The following PSD3 variants were observed in gnomAD, a reference collection of about 807,000 sequenced individuals.
PSD3 encodes the protein PH and SEC7 domain-containing protein 3.
In PSD3, 49 loss-of-function variants were observed where a neutral mutation model predicts 105.5. The observed-to-expected ratio is 0.46, with a 90% CI of 0.37 to 0.59. The LOEUF (loss-of-function observed/expected upper bound fraction) is 0.59, where lower values mean the gene tolerates loss of function less well. Ranked by LOEUF, PSD3 falls within the 20% of genes least tolerant of loss-of-function variation. The probability of loss-of-function intolerance (pLI) is 0.00; values close to 1 mark genes in which losing one functional copy is unlikely to be tolerated. For missense variants in PSD3, 1,561 were observed against 1,263.8 expected (o/e 1.24, Z -3.57); for synonymous variants, 557 against 457.8 (o/e 1.22, Z -2.77).
chr8:18,785,467 G>A (rs544406940), intron 8 of PSD3, among the ~76,000 whole-genome samples: 49 of 152,196 alleles, frequency 3.2e-4, no homozygotes, highest in African/African-American at 1.1e-3. Context: ...GAGACTCAGG[G>A]CCTTGCTCTG....
Position 18,867,824 on chromosome 8 carries a change from C to G in PSD3, c.1484G>C (p.Arg495Thr), listed in dbSNP as rs751352183. Reference protein sequence around the residue: ...RIKEGGQFLERTSGGGHQDIL... With the variant: ...RIKEGGQFLETTSGGGHQDIL... ...ATCCTGATGTCCTCCCCCTGATGTC[C>G]TCTCCAAGAACTGACCACCTTCTTT... Residue 495 changes from arginine to threonine, a missense_variant, in exon 4 of 16, where the codon AGG (arginine) becomes ACG (threonine). Transcript: ENST00000327040. 2.5e-6 allele frequency: 4 copies of G among 1,614,174 alleles called. No homozygotes were observed. The highest frequency in any genetic ancestry group is 3.4e-6 in the Non-Finnish European group (4 of 1,180,040).
At chr8:18,743,846 G>T (rs535916408) in intron 9 of PSD3, among the ~76,000 whole-genome samples, 3 of 151,666 alleles carry the variant, frequency 2.0e-5, no homozygotes, top group East Asian at 1.9e-4. Flanking sequence ...CTACTTTGAG[G>T]GGGGAGGTTA....
At chr8:18,985,237 C>A (rs1358992859) in intron 1 of PSD3, among the ~76,000 whole-genome samples, 1 of 152,116 alleles carries the variant, frequency 6.6e-6, no homozygotes, top group Non-Finnish European at 1.5e-5. Context: ...CCCGGTCATC[C>A]TTTGCTTTTA....
At chr8:18,642,907 C>T (rs911675392) in intron 10 of PSD3, among the ~76,000 whole-genome samples, 1 of 152,204 alleles carries the variant, frequency 6.6e-6, no homozygotes, top group African/African-American at 2.4e-5. Flanking sequence ...GTTTCCTATA[C>T]ACCTGAGTTC....
chr8:18,623,645 G>GAA (rs34586066), intron 11 of PSD3, among the ~76,000 whole-genome samples: 6,156 of 101,278 alleles, frequency 0.061, 271 homozygotes, highest in African/African-American at 0.13. Context: ...CTCCATCTCA[G>GAA]AAAAAAAAAA....
chr8:18,893,074 C>T (rs886545244), intron 2 of PSD3, among the ~76,000 whole-genome samples: 4 of 152,120 alleles, frequency 2.6e-5, no homozygotes, highest in African/African-American at 9.7e-5. Context: ...TCACTGAGAA[C>T]CCCAGAAAGT....
chr8:18,741,910 C>T (rs1157297433), intron 9 of PSD3, among the ~76,000 whole-genome samples: 1 of 149,584 alleles, frequency 6.7e-6, no homozygotes, highest in South Asian at 2.1e-4. Flanking sequence ...AAAAGTACAA[C>T]TGAAATGAGA....
chr8:19,023,785 A>C (rs1437483454), intron 1 of PSD3, among the ~76,000 whole-genome samples: 1 of 152,114 alleles, frequency 6.6e-6, no homozygotes, highest in Non-Finnish European at 1.5e-5. Flanking sequence ...AATACAAAGA[A>C]TTCTATTGAC....
chr8:18,708,585 A>G (rs1383705518), intron 9 of PSD3, among the ~76,000 whole-genome samples: 1 of 152,184 alleles, frequency 6.6e-6, no homozygotes, highest in Non-Finnish European at 1.5e-5. Context: ...CTTCTGTAAC[A>G]GACAACATTT....
intron 1 of PSD3, among the ~76,000 whole-genome samples, chr8:19,004,272 T>C (rs1379852365): frequency 6.6e-6 from 1 of 152,012 alleles, no homozygotes; most frequent in East Asian, 1.9e-4. Context: ...CTGCAGAGCT[T>C]TGTGGTCCCT....
At chr8:18,916,319 T>G (rs1292729421) in intron 2 of PSD3, among the ~76,000 whole-genome samples, 5 of 47,472 alleles carry the variant, frequency 1.1e-4, no homozygotes, top group Admixed American at 6.6e-4. Flanking sequence ...TATATATATA[T>G]ATATATATAT....
rs190629903 is a variant in PSD3 at position 18,934,981 on chromosome 8, G to T, written c.130+1053C>A. Among the ~76,000 whole-genome samples, 179 of 152,288 alleles carry T rather than the reference G, an allele frequency of 1.2e-3. 1 individual carries two copies. The highest frequency in any genetic ancestry group is 4.1e-3 in the African/African-American group (172 of 41,544). On this transcript the variant is annotated intron_variant, in intron 2 of 15. Coordinates refer to ENST00000327040, the MANE Select transcript of PSD3 (RefSeq NM_015310.4). Reference sequence around the variant, plus strand: ...ATTGCATTAACAGGATGAGCTCTGCGGTCAGGCAAACTTGCCTTATACTCC... The same window carrying T: ...ATTGCATTAACAGGATGAGCTCTGCTGTCAGGCAAACTTGCCTTATACTCC...
chr8:19,084,150 C>G (rs895989312), intron 1 of PSD3: 2 of 396,116 alleles, frequency 5.0e-6, no homozygotes, highest in Non-Finnish European at 1.0e-5. Flanking sequence ...CAGGGTGGCA[C>G]GTCTGTCCCC....
At chr8:18,544,790 G>A (rs149157687) in intron 15 of PSD3, among the ~76,000 whole-genome samples, 1 of 152,096 alleles carries the variant, frequency 6.6e-6, no homozygotes, top group African/African-American at 2.4e-5. Context: ...CCTCGCCCCA[G>A]GAAGCTCTCA....
chr8:18,990,040 T>C lies in PSD3; in HGVS notation c.21+23523A>G, dbSNP rs572157667. Among the ~76,000 whole-genome samples, 4 of 152,356 alleles carry C rather than the reference T, an allele frequency of 2.6e-5. No individual in the cohort carries two copies. In the South Asian group the frequency reaches 8.3e-4, roughly 32 times the overall value. ...CATCAATCATCAGGTTCTGTTGATC[T>C]ACACAAAATGTGGCTCATTTATCTT... On this transcript the variant is annotated intron_variant, in intron 1 of 15. Coordinates refer to ENST00000327040, the MANE Select transcript of PSD3 (RefSeq NM_015310.4).
intron 15 of PSD3, among the ~76,000 whole-genome samples, chr8:18,547,076 C>T (rs1390416086): frequency 1.3e-5 from 2 of 152,098 alleles, no homozygotes; most frequent in African/African-American, 2.4e-5. Flanking sequence ...TAATTTGTCT[C>T]GTGTGCAGGA....
intron 9 of PSD3, among the ~76,000 whole-genome samples, chr8:18,659,975 G>C (rs1019234365): frequency 2.6e-5 from 4 of 152,124 alleles, no homozygotes; most frequent in African/African-American, 9.7e-5. Context: ...ACCTTAATGG[G>C]ACAGGGCAGC....
chr8:18,559,707 T>C (rs540905367), intron 14 of PSD3, among the ~76,000 whole-genome samples: 1 of 152,310 alleles, frequency 6.6e-6, no homozygotes, highest in Non-Finnish European at 1.5e-5. Flanking sequence ...GATTTAGGCT[T>C]TCCAATCTTG....
intron 1 of PSD3, among the ~76,000 whole-genome samples, chr8:18,980,552 C>T (rs1288109549): frequency 2.0e-5 from 3 of 152,120 alleles, no homozygotes; most frequent in Admixed American, 6.6e-5. Context: ...ATTACAAATA[C>T]ATTAGGGTTT....
Sources: allele counts gnomAD v4.1 joint callset (sites outside exome capture counted in the v4.1 genomes callset), GRCh38; gene constraint gnomAD v4.1.1; transcripts MANE v1.5; gene names NCBI Gene and HGNC (gene_info 2026-07-23, HGNC 2026-07-21).